The following SIRPA variants were observed in gnomAD, a reference collection of about 807,000 sequenced individuals.
SIRPA encodes the protein tyrosine-protein phosphatase non-receptor type substrate 1.
In SIRPA, 9 loss-of-function variants were observed where a neutral mutation model predicts 50.3. The observed-to-expected ratio is 0.18, with a 90% CI of 0.11 to 0.31. The LOEUF (loss-of-function observed/expected upper bound fraction) is 0.31. Ranked by LOEUF, SIRPA falls within the 10% of genes least tolerant of loss-of-function variation. SIRPA has a pLI of 1.00. For missense variants in SIRPA, 474 were observed against 661.6 expected, an observed-to-expected ratio of 0.72 and a Z score of 3.11; for synonymous variants, 265 against 284.1, an observed-to-expected ratio of 0.93 and a Z score of 0.68.
At chr20:1,895,547 C>T in intron 1 of SIRPA, 21 bp downstream of exon 1, 1 of 1,420,122 alleles carries the variant, frequency 7.0e-7, no homozygotes, top group Non-Finnish European at 9.2e-7. Flanking sequence ...CCCCGCTCCC[C>T]ACCGCTGCAC....
chr20:1,933,156 TGTG>T lies in SIRPA; in HGVS notation c.1227-1555_1227-1553del, dbSNP rs1376945296. 1.3e-5 allele frequency among the ~76,000 whole-genome samples: 2 copies of T among 152,100 alleles called. No individual in the cohort carries two copies. Among genetic ancestry groups the T allele is most frequent in the African/African-American group, 2.4e-5 (1 of 41,420 alleles). On this transcript the variant is annotated intron_variant, in intron 6 of 7. Transcript: ENST00000358771. This position sits in a 1 kb window ranked among gnomAD's most constrained non-coding sequence, Gnocchi z 4.4. ...TTCCAAGTCACTGTTTTTGAGCACATGTGGTGAGGAAGCATGGCAGGCAGGCAG... is the reference window on the plus strand; with the variant it reads ...TTCCAAGTCACTGTTTTTGAGCACATGTGAGGAAGCATGGCAGGCAGGCAG...
In SIRPA at chr20:1,927,881, G is replaced by A. The variant is rs941843579; in HGVS notation, c.1208G>A (p.Gly403Asp). The A allele has an allele frequency of 1.2e-6, 2 of 1,613,990 alleles. No individual in the cohort carries two copies. Among genetic ancestry groups the A allele is most frequent in the African/African-American group, 1.3e-5 (1 of 75,044 alleles). Reference sequence around the variant, plus strand: ...TGTTTCTTTTGTCTTTCAGCCCAGGGCTCCACTTCTTCTACAAGGTAAGTG... The same window carrying A: ...TGTTTCTTTTGTCTTTCAGCCCAGGACTCCACTTCTTCTACAAGGTAAGTG... Reference protein sequence around the residue: ...LVRIRQKKAQGSTSSTRLHEP... With the variant: ...LVRIRQKKAQDSTSSTRLHEP... The change falls in exon 6 of 8, where the codon GGC becomes GAC. Residue 403 changes from glycine to aspartate, a missense_variant. Coordinates refer to ENST00000358771, the MANE Select transcript of SIRPA (RefSeq NM_001040023.2). The surrounding 1 kb of genome is among the most constrained non-coding windows in gnomAD (Gnocchi z 6.5).
chr20:1,915,328 C>T lies in SIRPA; in HGVS notation c.309C>T (p.Asp103=). ...ACCTCACAAAGAGAAACAACATGGA[C>T]TTTTCCATCCGCATCGGTAACATCA... ...VSDLTKRNNM[D]FSIRIGNITP... Residue 103 remains aspartate (D), a synonymous_variant, in exon 2 of 8, where the codon GAC becomes GAT. Coordinates refer to ENST00000358771, the MANE Select transcript of SIRPA (RefSeq NM_001040023.2). 2 of 1,613,260 alleles carry T rather than the reference C, an allele frequency of 1.2e-6. No homozygotes were observed. The highest frequency in any genetic ancestry group is 1.7e-6 in the Non-Finnish European group (2 of 1,179,608).
chr20:1,934,660 A>G lies in SIRPA; in HGVS notation c.1227-55A>G, dbSNP rs761996538. 43 of 1,564,964 alleles carry G rather than the reference A, an allele frequency of 2.7e-5. No homozygotes were observed. The highest frequency in any genetic ancestry group is 3.2e-5 in the Non-Finnish European group (36 of 1,135,654). ...CTAAATGTTATTCTTATCAGTTTGC[A>G]TGAGCACTTGAGATAGTGAGGGTAT... On this transcript the variant is annotated intron_variant, in intron 6 of 7. Coordinates refer to ENST00000358771, the MANE Select transcript of SIRPA (RefSeq NM_001040023.2). The surrounding 1 kb of genome is among the most constrained non-coding windows in gnomAD (Gnocchi z 4.6).
At chr20:1,917,616 G>A (rs751030187) in intron 2 of SIRPA, among the ~76,000 whole-genome samples, 7 of 152,198 alleles carry the variant, frequency 4.6e-5, no homozygotes, top group Non-Finnish European at 7.4e-5. Flanking sequence ...GATGTCTCAT[G>A]ATATGGGAAC....
rs1025231382 is a variant in SIRPA at position 1,938,247 on chromosome 20, A to G, written c.*679A>G. ...ACCCTCTGCTTCCTTGGGTCCCTCC[A>G]AGACTCCCTGGGGCCCAACTGTGTT... On this transcript the variant is annotated 3_prime_UTR_variant, in exon 8 of 8. Transcript: ENST00000358771. 1 of 152,984 alleles carries G rather than the reference A, an allele frequency of 6.5e-6. No individual in the cohort carries two copies. Among genetic ancestry groups the G allele is most frequent in the Non-Finnish European group, 1.5e-5 (1 of 68,362 alleles). The allele number at this position is 152,984 out of a possible 1,614,324, so 9.5% of individuals were successfully genotyped here.
At position 1,936,970 on chromosome 20, in the gene SIRPA, G is replaced by A. The variant is rs1463686876; in HGVS notation, c.1267-350G>A. 6.6e-6 allele frequency among the ~76,000 whole-genome samples: 1 copy of A among 152,106 alleles called. No homozygotes were observed. The highest frequency in any genetic ancestry group is 1.9e-4 in the East Asian group (1 of 5,166). On this transcript the variant is annotated intron_variant, in intron 7 of 7. Coordinates refer to ENST00000358771, the MANE Select transcript of SIRPA (RefSeq NM_001040023.2). The surrounding 1 kb of genome is among the most constrained non-coding windows in gnomAD (Gnocchi z 4.2). ...TGGGATTTGTTACAAGGAGAAGCAG[G>A]ACAGACACCCTCGAGGGATGAACAT...
rs546994659 is a variant in SIRPA at position 1,912,223 on chromosome 20, C to T, written c.80-2876C>T. Among the ~76,000 whole-genome samples the T allele has an allele frequency of 1.2e-4, 18 of 152,344 alleles. No homozygotes were observed. In the South Asian group the frequency reaches 3.7e-3, roughly 32 times the overall value. Reference sequence around the variant, plus strand: ...CGGCTGCACCACAAGAATAGCCCTGCTCCAACATGCTGCACGCCTGACTCC... The same window carrying T: ...CGGCTGCACCACAAGAATAGCCCTGTTCCAACATGCTGCACGCCTGACTCC... On this transcript the variant is annotated intron_variant, in intron 1 of 7. Coordinates refer to ENST00000358771, the MANE Select transcript of SIRPA (RefSeq NM_001040023.2).
chr20:1,907,791 G>C (rs1473761004), intron 1 of SIRPA, among the ~76,000 whole-genome samples: 1 of 152,244 alleles, frequency 6.6e-6, no homozygotes, highest in African/African-American at 2.4e-5. Flanking sequence ...TGAGGTTTGA[G>C]AGGGCATGAA....
chr20:1,925,287 A>C (rs1476346993), intron 5 of SIRPA, among the ~76,000 whole-genome samples: 1 of 152,208 alleles, frequency 6.6e-6, no homozygotes, highest in Non-Finnish European at 1.5e-5. Context: ...GCCAGAGGGA[A>C]TGGAGATAAT....
intron 2 of SIRPA, among the ~76,000 whole-genome samples, chr20:1,917,863 C>T (rs1186141280): frequency 2.0e-5 from 3 of 152,122 alleles, no homozygotes; most frequent in African/African-American, 7.2e-5. Context: ...GTAACCAGAT[C>T]TGGGTACCCT....
chr20:1,924,812 T>G lies in SIRPA; in HGVS notation c.1136T>G (p.Val379Gly), dbSNP rs12624995. 1.2e-6 allele frequency: 2 copies of G among 1,614,190 alleles called. No homozygotes were observed. The highest frequency in any genetic ancestry group is 1.7e-6 in the Non-Finnish European group (2 of 1,180,038). Reference protein sequence around the residue: ...ERNIYIVVGVVCTLLVALLMA... With the variant: ...ERNIYIVVGVGCTLLVALLMA... ...AACATCTATATTGTGGTGGGTGTGG[T>G]GTGCACCTTGCTGGTGGCCCTACTG... Residue 379 changes from valine to glycine, a missense_variant, in exon 5 of 8, where the codon GTG (valine) becomes GGG (glycine). Val to Gly is a moderately radical substitution (Grantham distance 109, BLOSUM62 -3). Transcript: ENST00000358771. The surrounding 1 kb of genome is among the most constrained non-coding windows in gnomAD (Gnocchi z 4.5).
chr20:1,894,587 T>G (rs1201174553), upstream of SIRPA: 1 of 151,428 alleles, frequency 6.6e-6, no homozygotes, highest in African/African-American at 2.4e-5. The surrounding 1 kb of genome is among the most constrained non-coding windows in gnomAD (Gnocchi z 4.0). Flanking sequence ...CCGCGCGGGC[T>G]TCTGAACGGG....
intron 1 of SIRPA, among the ~76,000 whole-genome samples, chr20:1,896,334 G>C (rs998259132): frequency 6.6e-6 from 1 of 152,242 alleles, no homozygotes. Flanking sequence ...GGCTGTCGCC[G>C]GCAGGCGGGC....
intron 1 of SIRPA, among the ~76,000 whole-genome samples, chr20:1,909,025 C>A (rs1005037216): frequency 6.6e-6 from 1 of 152,216 alleles, no homozygotes; most frequent in Non-Finnish European, 1.5e-5. Flanking sequence ...GTAGAGGCAG[C>A]CCCCGATGAG....
chr20:1,919,697 CCTT>C (rs1985526871), intron 2 of SIRPA, among the ~76,000 whole-genome samples: 1 of 152,212 alleles, frequency 6.6e-6, no homozygotes. Context: ...GTTCCCTCCT[CCTT>C]TAAAATGCTT....
chr20:1,895,421 T>G lies in SIRPA; in HGVS notation c.-27T>G. 1.5e-6 allele frequency: 2 copies of G among 1,366,064 alleles called. No individual in the cohort carries two copies. Among genetic ancestry groups the G allele is most frequent in the Non-Finnish European group, 9.4e-7 (1 of 1,060,474 alleles). 84.6% of individuals were successfully genotyped at this position (1,366,064 alleles called of 1,614,324 possible). A position where few individuals can be genotyped will look rare whatever the true frequency, so the allele number is the denominator to read the frequency against. On this transcript the variant is annotated 5_prime_UTR_variant, in exon 1 of 8. Coordinates refer to ENST00000358771, the MANE Select transcript of SIRPA (RefSeq NM_001040023.2). Reference sequence around the variant, plus strand: ...CCCGAGCGCGCACTCACGGCCGCTCTCCCTCCTCGCTCCGCAGCCGCGGCC... The same window carrying G: ...CCCGAGCGCGCACTCACGGCCGCTCGCCCTCCTCGCTCCGCAGCCGCGGCC...
At chr20:1,917,307 C>G (rs1374144407) in intron 2 of SIRPA, among the ~76,000 whole-genome samples, 1 of 152,130 alleles carries the variant, frequency 6.6e-6, no homozygotes, top group African/African-American at 2.4e-5. Flanking sequence ...AGTGGGGGAG[C>G]CAAGGTTTGA....
intron 7 of SIRPA, among the ~76,000 whole-genome samples, chr20:1,935,674 GA>G (rs1040015629): frequency 2.6e-5 from 4 of 152,154 alleles, no homozygotes; most frequent in African/African-American, 4.8e-5. Flanking sequence ...TCTTCTGGGG[GA>G]AAAAAATGAT....
Sources: allele counts gnomAD v4.1 joint callset (sites outside exome capture counted in the v4.1 genomes callset), GRCh38; gene constraint gnomAD v4.1.1; non-coding constraint Gnocchi (gnomAD v3.1); transcripts MANE v1.5; gene names NCBI Gene and HGNC (gene_info 2026-07-23, HGNC 2026-07-21).